GNPTAB: variants seen among roughly 807,000 people sequenced by gnomAD.
The protein encoded by GNPTAB is N-acetylglucosamine-1-phosphate transferase subunits alpha and beta, also known as N-acetylglucosamine-1-phosphotransferase subunits alpha/beta.
GNPTAB carries 92 observed loss-of-function variants against 136.6 expected under a neutral mutation model. That is an observed-to-expected ratio of 0.67 (90% CI 0.57 to 0.80). The LOEUF is 0.80. Among genes scored for constraint, GNPTAB ranks in the 30% least tolerant of loss-of-function variants. The pLI is 0.00. For missense variants in GNPTAB, 1,343 were observed against 1,501.8 expected (o/e 0.89, Z 1.75); for synonymous variants, 512 against 535.1 (o/e 0.96, Z 0.60).
Position 101,770,173 on chromosome 12 carries a change from T to C in GNPTAB, c.1132A>G (p.Ser378Gly). ...VTHQDVFRNL[S>G]HLPTFSSPAI... is the part of the protein sequence containing the mutation. The stretch of plus-strand genomic sequence containing the variant: ...GGTGAACTAAAGGTAGGCAAGTGGC[T>C]CAAATTTCGAAAAACATCCTTTTAA... Residue 378 changes from serine (S) to glycine (G), a missense_variant, in exon 10 of 21, where the codon AGC becomes GGC. Coordinates refer to ENST00000299314, the MANE Select transcript of GNPTAB (RefSeq NM_024312.5). The C allele has an allele frequency of 6.2e-7, 1 of 1,614,108 alleles. No homozygotes were observed. The highest frequency in any genetic ancestry group is 8.5e-7 in the Non-Finnish European group (1 of 1,180,006).
rs1371675392 is a variant in GNPTAB, at chr12:101,745,687, T to C, written c.*1477A>G. Reference sequence around the variant, plus strand: ...ATGGAATCTGCTCTTCACAAATCCATTGTATTATGACATAAAATATGGCTA... The same window carrying C: ...ATGGAATCTGCTCTTCACAAATCCACTGTATTATGACATAAAATATGGCTA... On this transcript the variant is annotated 3_prime_UTR_variant, in exon 21 of 21. Coordinates refer to ENST00000299314, the MANE Select transcript of GNPTAB (RefSeq NM_024312.5). 2 of 152,354 alleles carry C rather than the reference T, an allele frequency of 1.3e-5. No individual in the cohort carries two copies. The highest frequency in any genetic ancestry group is 1.9e-4 in the East Asian group (1 of 5,188). The allele number at this position is 152,354 out of a possible 1,614,324, so 9.4% of individuals were successfully genotyped here. A position where few individuals can be genotyped will look rare whatever the true frequency, so the allele number is the denominator to read the frequency against.
At chr12:101,819,835 T>C (rs1870709063) in intron 1 of GNPTAB, among the ~76,000 whole-genome samples, 2 of 152,236 alleles carry the variant, frequency 1.3e-5, no homozygotes, top group African/African-American at 2.4e-5. Flanking sequence ...ACACCTGTTA[T>C]ATTTTAGAAG....
intron 19 of GNPTAB, among the ~76,000 whole-genome samples, chr12:101,750,185 A>G (rs748284156): frequency 3.3e-5 from 5 of 152,228 alleles, no homozygotes; most frequent in African/African-American, 7.2e-5. Flanking sequence ...ATAATGAACA[A>G]TTGGTTACGA....
rs281865012 is a variant in GNPTAB, at chr12:101,760,029, C to T, written c.3249+1G>A. On this transcript the variant is annotated splice_donor_variant, in intron 16 of 20. Coordinates refer to ENST00000299314, the MANE Select transcript of GNPTAB (RefSeq NM_024312.5). LOFTEE classifies it high-confidence loss of function. ...ACATAAAAGTAACCCATTCCACTTACCAGGTTGGGATCATAGTAGGATTCC... is the reference window on the plus strand; with the variant it reads ...ACATAAAAGTAACCCATTCCACTTATCAGGTTGGGATCATAGTAGGATTCC... 6.5e-7 allele frequency: 1 copy of T among 1,547,238 alleles called. No homozygotes were observed. Among genetic ancestry groups the T allele is most frequent in the Non-Finnish European group, 8.9e-7 (1 of 1,119,458 alleles).
intron 1 of GNPTAB, among the ~76,000 whole-genome samples, chr12:101,799,729 G>T (rs1359634580): frequency 1.6e-5 from 1 of 62,110 alleles, no homozygotes; most frequent in African/African-American, 1.2e-4. Context: ...TTGCCAGTAA[G>T]TACTTCTATT....
Position 101,830,667 on chromosome 12 carries a change from G to T in GNPTAB, c.9C>A (p.Phe3Leu). Reference sequence around the variant, plus strand: ...TATAGGTCTGTCTCTGCAGGAGCTTGAACAGCATCACCCCTTCACCGCCAC... The same window carrying T: ...TATAGGTCTGTCTCTGCAGGAGCTTTAACAGCATCACCCCTTCACCGCCAC... ML[F>L]KLLQRQTYTC... Residue 3 changes from phenylalanine (F) to leucine (L), a missense_variant, in exon 1 of 21, where the codon TTC becomes TTA. By Grantham distance (22) the Phe-to-Leu change is conservative. Coordinates refer to ENST00000299314, the MANE Select transcript of GNPTAB (RefSeq NM_024312.5). 6.3e-7 allele frequency: 1 copy of T among 1,587,746 alleles called. No individual in the cohort carries two copies. The highest frequency in any genetic ancestry group is 8.6e-7 in the Non-Finnish European group (1 of 1,157,350).
chr12:101,775,269 G>A (rs1403324783), intron 7 of GNPTAB, among the ~76,000 whole-genome samples: 1 of 151,936 alleles, frequency 6.6e-6, no homozygotes, highest in Non-Finnish European at 1.5e-5. Flanking sequence ...TTAAAAATCT[G>A]TTAGGAAAAA....
chr12:101,787,248 A>G (rs1425276763), intron 4 of GNPTAB, among the ~76,000 whole-genome samples: 1 of 152,222 alleles, frequency 6.6e-6, no homozygotes, highest in Non-Finnish European at 1.5e-5. Context: ...AGAAATGCCC[A>G]ACATTTAGTA....
intron 1 of GNPTAB, among the ~76,000 whole-genome samples, chr12:101,807,855 C>G (rs1385758612): frequency 1.3e-5 from 2 of 152,048 alleles, no homozygotes; most frequent in Non-Finnish European, 2.9e-5. Flanking sequence ...CCACTGTACT[C>G]CAGCCTGTGC....
chr12:101,789,649 A>G (rs988955183), intron 3 of GNPTAB, among the ~76,000 whole-genome samples: 3 of 152,046 alleles, frequency 2.0e-5, no homozygotes, highest in Admixed American at 6.6e-5. Flanking sequence ...CACGCCCAAC[A>G]AACTTTTTAT....
intron 18 of GNPTAB, chr12:101,756,450 C>G: frequency 2.5e-6 from 1 of 399,470 alleles, no homozygotes; most frequent in South Asian, 1.8e-5. Context: ...CAGCTCATGT[C>G]TGTGGTTCCA....
intron 1 of GNPTAB, among the ~76,000 whole-genome samples, chr12:101,823,914 G>C (rs1458200694): frequency 2.0e-5 from 3 of 152,166 alleles, no homozygotes; most frequent in Non-Finnish European, 4.4e-5. Context: ...AAGGTAAAGG[G>C]CTAACAGCTA....
In GNPTAB at chr12:101,830,714, G is replaced by A; in HGVS notation, c.-39C>T. Reference sequence around the variant, plus strand: ...CCACGCCACGCCCCGAGGAGCCTGAGCCGCCGCCGCCGCCGCCGCCGCCTC... The same window carrying A: ...CCACGCCACGCCCCGAGGAGCCTGAACCGCCGCCGCCGCCGCCGCCGCCTC... On this transcript the variant is annotated 5_prime_UTR_variant, in exon 1 of 21. Transcript: ENST00000299314. 9.5e-6 allele frequency: 2 copies of A among 210,806 alleles called. No individual in the cohort carries two copies. The highest frequency in any genetic ancestry group is 1.2e-5 in the Non-Finnish European group (2 of 167,734). The allele number at this position is 210,806 out of a possible 1,614,324, so 13.1% of individuals were successfully genotyped here. A position where few individuals can be genotyped will look rare whatever the true frequency, so the allele number is the denominator to read the frequency against.
intron 13 of GNPTAB, among the ~76,000 whole-genome samples, 198 bp downstream of exon 13, chr12:101,764,004 C>T (rs899443972): frequency 1.3e-5 from 2 of 152,132 alleles, no homozygotes; most frequent in African/African-American, 2.4e-5. Flanking sequence ...AAAATGGGGA[C>T]AGCAATAATA....
At chr12:101,764,005 A>G (rs1235288148) in intron 13 of GNPTAB, among the ~76,000 whole-genome samples, 197 bp downstream of exon 13, 1 of 152,254 alleles carries the variant, frequency 6.6e-6, no homozygotes, top group East Asian at 1.9e-4. Flanking sequence ...AAATGGGGAC[A>G]GCAATAATAA....
intron 15 of GNPTAB, among the ~76,000 whole-genome samples, 158 bp downstream of exon 15, chr12:101,760,969 C>CG (rs1400981812): frequency 1.3e-5 from 2 of 151,966 alleles, no homozygotes; most frequent in South Asian, 2.1e-4. Flanking sequence ...TTAGTAGAGA[C>CG]GGGGTTTCAC....
intron 1 of GNPTAB, among the ~76,000 whole-genome samples, chr12:101,799,262 A>C (rs1869474858): frequency 6.6e-6 from 1 of 152,236 alleles, no homozygotes; most frequent in African/African-American, 2.4e-5. Context: ...AAGGGTCTAA[A>C]GCAGGAGAAT....
At chr12:101,799,555 C>T (rs964779055) in intron 1 of GNPTAB, among the ~76,000 whole-genome samples, 1 of 152,172 alleles carries the variant, frequency 6.6e-6, no homozygotes, top group African/African-American at 2.4e-5. Context: ...TGTGCAAATG[C>T]TGTTGGGCTT....
At chr12:101,811,326 G>A (rs983101997) in intron 1 of GNPTAB, among the ~76,000 whole-genome samples, 1 of 151,920 alleles carries the variant, frequency 6.6e-6, no homozygotes, top group Non-Finnish European at 1.5e-5. Context: ...GGACATGGCT[G>A]TGTTCCAATG....
Sources: allele counts gnomAD v4.1 joint callset (sites outside exome capture counted in the v4.1 genomes callset), GRCh38; gene constraint gnomAD v4.1.1; transcripts MANE v1.5; gene names NCBI Gene and HGNC (gene_info 2026-07-23, HGNC 2026-07-21).